MICAL2: variants seen among roughly 807,000 people sequenced by gnomAD.
MICAL2 encodes the protein [F-actin]-monooxygenase MICAL2.
Under a neutral mutation model 127.3 loss-of-function variants are expected in MICAL2, and 77 were observed. The ratio of observed to expected loss-of-function variants is 0.60; its 90% confidence interval spans 0.50 to 0.73. The LOEUF (loss-of-function observed/expected upper bound fraction) is 0.73. MICAL2 is among the 30% of genes least tolerant of loss of function. The pLI, the probability that MICAL2 is intolerant of heterozygous loss-of-function variation, is 0.00. For missense variants in MICAL2, 1,351 were observed against 1,434.4 expected, an observed-to-expected ratio of 0.94 and a Z score of 0.94; for synonymous variants, 570 against 551.1, an observed-to-expected ratio of 1.03 and a Z score of -0.48.
intron 3 of MICAL2, among the ~76,000 whole-genome samples, chr11:12,170,179 A>G (rs1416960850): frequency 3.9e-5 from 6 of 151,964 alleles, no homozygotes. Context: ...GTCAGTCCCC[A>G]TTTCTCACTC....
intron 22 of MICAL2, chr11:12,252,481 C>T (rs1565255923): frequency 2.0e-5 from 3 of 152,264 alleles, no homozygotes; most frequent in Admixed American, 1.3e-4. Flanking sequence ...CTCTGCAGGC[C>T]CCAAAGCCAC....
intron 3 of MICAL2, among the ~76,000 whole-genome samples, chr11:12,202,179 T>C (rs1854108277): frequency 6.6e-6 from 1 of 152,150 alleles, no homozygotes; most frequent in Non-Finnish European, 1.5e-5. Context: ...CTCTTTTCTC[T>C]CCTTCCCGTC....
intron 9 of MICAL2, 102 bp from the exon 10 acceptor site, chr11:12,221,542 G>C: frequency 1.3e-6 from 1 of 752,068 alleles, no homozygotes; most frequent in Admixed American, 2.3e-5. Flanking sequence ...TGTCCCTCCA[G>C]TGCCCTGCAC....
intron 7 of MICAL2, among the ~76,000 whole-genome samples, chr11:12,215,607 G>A (rs912504877): frequency 2.6e-5 from 4 of 152,222 alleles, no homozygotes; most frequent in South Asian, 2.1e-4. Context: ...TTTGAGAACC[G>A]TGGAGCTAAG....
chr11:12,241,247 AC>A, intron 18 of MICAL2, 85 bp downstream of exon 18: 2 of 1,499,670 alleles, frequency 1.3e-6, no homozygotes, highest in Non-Finnish European at 1.8e-6. Context: ...CTCTTCCCAC[AC>A]CCCAAGTAGG....
At chr11:12,316,554 GT>G (rs1565303343) in intron 29 of MICAL2, among the ~76,000 whole-genome samples, 1 of 151,248 alleles carries the variant, frequency 6.6e-6, no homozygotes, top group Admixed American at 6.6e-5. Flanking sequence ...GTTTTTTTTG[GT>G]GGAGTTCTTG....
At chr11:12,204,033 A>G (rs778696749) in intron 3 of MICAL2, among the ~76,000 whole-genome samples, 12 of 152,026 alleles carry the variant, frequency 7.9e-5, no homozygotes, top group Non-Finnish European at 1.5e-4. Flanking sequence ...TTACCTCTGC[A>G]CTCCTCACAG....
chr11:12,287,953 G>A (rs1293045450), downstream of MICAL2, among the ~76,000 whole-genome samples: 3 of 152,178 alleles, frequency 2.0e-5, no homozygotes, highest in East Asian at 5.8e-4. Flanking sequence ...GACCCAGAAA[G>A]GCCTTGGCTT....
intron 2 of MICAL2, among the ~76,000 whole-genome samples, chr11:12,157,020 A>G (rs963072409): frequency 2.6e-5 from 4 of 152,202 alleles, no homozygotes; most frequent in African/African-American, 9.6e-5. Flanking sequence ...TTTGGATTGC[A>G]TTGACCTTGA....
downstream of MICAL2, chr11:12,294,430 C>G: frequency 6.2e-7 from 1 of 1,614,222 alleles, no homozygotes; most frequent in South Asian, 1.1e-5. Context: ...GAAACCAGTC[C>G]TCAGCCTTTA....
At chr11:12,344,981 G>A (rs1043586389) in intron 32 of MICAL2, among the ~76,000 whole-genome samples, 7 of 151,688 alleles carry the variant, frequency 4.6e-5, no homozygotes, top group African/African-American at 1.5e-4. Flanking sequence ...GTGTTGTGGT[G>A]GGCGCCTGTA....
chr11:12,255,610 G>T (rs552423009), intron 22 of MICAL2, 33 bp from the exon 23 acceptor site: 1 of 1,602,622 alleles, frequency 6.2e-7, no homozygotes, highest in Non-Finnish European at 8.5e-7. Context: ...CTCTACCTTT[G>T]TCTCTGTCTC....
chr11:12,115,608 T>C lies in MICAL2; in HGVS notation c.-149+4882T>C, dbSNP rs551452119. Among the ~76,000 whole-genome samples the C allele has an allele frequency of 2.0e-5, 3 of 152,286 alleles. No individual in the cohort carries two copies. In the South Asian group the frequency reaches 6.2e-4, roughly 32 times the overall value. ...TACTGGGATCACAGGTATGAACCAC[T>C]ATGCCTGGCCTAGCCTTTTGCACTA... On this transcript the variant is annotated intron_variant, in intron 1 of 27. Coordinates refer to ENST00000683283, the MANE Select transcript of MICAL2 (RefSeq NM_001282663.2).
At chr11:12,288,361 C>T (rs1275798630), downstream of MICAL2, among the ~76,000 whole-genome samples, 3 of 152,210 alleles carry the variant, frequency 2.0e-5, no homozygotes, top group African/African-American at 7.2e-5. Flanking sequence ...GCCCACTCTA[C>T]TGTGTGCCAC....
intron 3 of MICAL2, among the ~76,000 whole-genome samples, chr11:12,190,381 A>T (rs1858942398): frequency 6.6e-6 from 1 of 152,162 alleles, no homozygotes; most frequent in Non-Finnish European, 1.5e-5. Flanking sequence ...ATCAAGGTGC[A>T]GTTGACTAAA....
chr11:12,277,176 C>A (rs77597033), intron 1 of MICAL2, among the ~76,000 whole-genome samples: 2,801 of 152,060 alleles, frequency 0.018, 90 homozygotes, highest in African/African-American at 0.065. Flanking sequence ...CTGGAGCCTG[C>A]GTGTCAGCTG....
chr11:12,249,587 A>T (rs951853422), intron 22 of MICAL2, among the ~76,000 whole-genome samples: 1 of 152,190 alleles, frequency 6.6e-6, no homozygotes, highest in Non-Finnish European at 1.5e-5. Flanking sequence ...CTCAGTGAGG[A>T]TGTCCTTGCC....
chr11:12,265,136 C>T (rs1414499546), downstream of MICAL2, among the ~76,000 whole-genome samples: 1 of 152,204 alleles, frequency 6.6e-6, no homozygotes, highest in African/African-American at 2.4e-5. Context: ...ATATTTTGTA[C>T]TGATCTTGCC....
chr11:12,227,033 C>A lies in MICAL2; in HGVS notation c.1897C>A (p.Arg633Ser), dbSNP rs139751583. Residue 633 changes from arginine (R) to serine (S), a missense_variant, in exon 15 of 28, where the codon CGC (arginine) becomes AGC (serine). By Grantham distance (110) the Arg-to-Ser change is moderately radical. Around this residue, in one of 2 missense-constraint regions of MICAL2, gnomAD observed 752 missense variants for 719.4 expected, o/e 1.05. Coordinates refer to ENST00000683283, the MANE Select transcript of MICAL2 (RefSeq NM_001282663.2). The part of the protein sequence containing the change: ...GTPLRPVDSW[R>S]KNYGENADLS... ...GCTTTATTTCCCAACAGATTCTTGGCGCAAAAACTATGGAGAAAATGCTGA... is the reference window on the plus strand; with the variant it reads ...GCTTTATTTCCCAACAGATTCTTGGAGCAAAAACTATGGAGAAAATGCTGA... 6.2e-7 allele frequency: 1 copy of A among 1,613,462 alleles called. No homozygotes were observed. The highest frequency in any genetic ancestry group is 8.5e-7 in the Non-Finnish European group (1 of 1,179,478).
Sources: allele counts gnomAD v4.1 joint callset (sites outside exome capture counted in the v4.1 genomes callset), GRCh38; gene constraint gnomAD v4.1.1; regional missense constraint gnomAD v4.1.1; transcripts MANE v1.5; gene names NCBI Gene and HGNC (gene_info 2026-07-23, HGNC 2026-07-21).